The following PCDH11Y variants were observed in gnomAD, a reference collection of about 807,000 sequenced individuals.
The protein encoded by PCDH11Y is protocadherin-11 Y-linked.
For missense variants in PCDH11Y, 12 were observed against 224.8 expected, an observed-to-expected ratio of 0.05 and a Z score of 6.05; for synonymous variants, 9 against 83.6, an observed-to-expected ratio of 0.11 and a Z score of 4.87.
At chrY:5,562,376 A>G in intron 3 of PCDH11Y, among the ~76,000 whole-genome samples, 1 of 34,028 alleles carries the variant, frequency 2.9e-5, no homozygotes, top group Non-Finnish European at 7.3e-5. Context: ...TAGTCAACTG[A>G]ATAGAATCAG....
At chrY:5,404,497 T>A in intron 2 of PCDH11Y, among the ~76,000 whole-genome samples, 1 of 33,445 alleles carries the variant, frequency 3.0e-5, no homozygotes. Flanking sequence ...AGACATAAAA[T>A]TTGCTAATTT....
intron 2 of PCDH11Y, among the ~76,000 whole-genome samples, chrY:5,391,839 G>A: frequency 3.0e-5 from 1 of 32,926 alleles, no homozygotes; most frequent in African/African-American, 1.2e-4. Flanking sequence ...TATCACGTTG[G>A]CAACTCTCCT....
At chrY:5,216,636 A>G (rs2052946953) in intron 2 of PCDH11Y, among the ~76,000 whole-genome samples, 2 of 30,329 alleles carry the variant, frequency 6.6e-5, no homozygotes, top group African/African-American at 2.6e-4. Flanking sequence ...ATTTTAATCA[A>G]TTTTTATGAG....
At chrY:5,621,369 C>T (rs2053499879) in intron 4 of PCDH11Y, among the ~76,000 whole-genome samples, 1 of 32,299 alleles carries the variant, frequency 3.1e-5, no homozygotes, top group Admixed American at 2.9e-4. Context: ...AGGACAACTA[C>T]AAACCACCGC....
intron 2 of PCDH11Y, among the ~76,000 whole-genome samples, chrY:5,399,747 G>A (rs2053231086): frequency 6.3e-5 from 2 of 31,542 alleles, no homozygotes; most frequent in Admixed American, 3.0e-4. Context: ...TGATCCGCCC[G>A]CTTCGGCCTC....
At chrY:5,675,839 G>C (rs2053553374) in intron 4 of PCDH11Y, among the ~76,000 whole-genome samples, 1 of 33,269 alleles carries the variant, frequency 3.0e-5, no homozygotes, top group South Asian at 6.8e-4. Context: ...CCCTGCTCTG[G>C]GCTGCTTTCA....
chrY:5,446,105 TTGCTCAATGTAC>T (rs2053287565), intron 2 of PCDH11Y, among the ~76,000 whole-genome samples: 2 of 33,459 alleles, frequency 6.0e-5, no homozygotes, highest in African/African-American at 2.3e-4. Context: ...CTTCTCCTTG[TTGCTCAATGTAC>T]TGTTCCATGA....
intron 4 of PCDH11Y, among the ~76,000 whole-genome samples, chrY:5,663,130 A>G (rs2053542324): frequency 4.9e-4 from 15 of 30,686 alleles, no homozygotes; most frequent in African/African-American, 6.5e-4. Flanking sequence ...ACACGCTAAT[A>G]TAACAATTTA....
At chrY:5,675,557 G>A (rs2053553089) in intron 4 of PCDH11Y, among the ~76,000 whole-genome samples, 1 of 33,646 alleles carries the variant, frequency 3.0e-5, no homozygotes, top group African/African-American at 1.2e-4. Context: ...CTGCCTGTGA[G>A]CCTGTAAAAT....
chrY:5,587,745 C>T, intron 4 of PCDH11Y, among the ~76,000 whole-genome samples: 1 of 32,087 alleles, frequency 3.1e-5, no homozygotes, highest in African/African-American at 1.2e-4. Flanking sequence ...AGTCTAGCTA[C>T]TACCACTCTT....
chrY:5,598,533 A>C (rs2053469728), intron 4 of PCDH11Y, among the ~76,000 whole-genome samples: 2 of 33,243 alleles, frequency 6.0e-5, no homozygotes, highest in African/African-American at 1.2e-4. Context: ...TGCTCATCAC[A>C]ATTAGAAGCT....
chrY:5,703,770 A>G, intron 4 of PCDH11Y, among the ~76,000 whole-genome samples: 2 of 31,715 alleles, frequency 6.3e-5, no homozygotes, highest in African/African-American at 2.5e-4. Flanking sequence ...ACAATTCTAC[A>G]TAAGTTGTTT....
chrY:5,107,841 C>T (rs1602868430), downstream of PCDH11Y, among the ~76,000 whole-genome samples: 10 of 32,727 alleles, frequency 3.1e-4, no homozygotes, highest in African/African-American at 7.1e-4. Context: ...GGGTGGATCA[C>T]GAGGTCAGGA....
chrY:5,183,088 C>T, intron 2 of PCDH11Y, among the ~76,000 whole-genome samples: 1 of 33,399 alleles, frequency 3.0e-5, no homozygotes, highest in Admixed American at 2.7e-4. Flanking sequence ...GCTGAGACTC[C>T]ACACAGCTCT....
At chrY:5,443,540 G>T in intron 2 of PCDH11Y, among the ~76,000 whole-genome samples, 1 of 32,952 alleles carries the variant, frequency 3.0e-5, no homozygotes, top group Non-Finnish European at 7.5e-5. Context: ...CCACTATGGA[G>T]ATCAATTAGA....
downstream of PCDH11Y, among the ~76,000 whole-genome samples, chrY:5,102,238 G>A: frequency 9.3e-5 from 3 of 32,375 alleles, no homozygotes; most frequent in Admixed American, 2.9e-4. Flanking sequence ...AAGAGATGTC[G>A]AACATCTCCA....
chrY:5,511,054 G>A, intron 3 of PCDH11Y, among the ~76,000 whole-genome samples: 1 of 31,973 alleles, frequency 3.1e-5, no homozygotes, highest in East Asian at 8.4e-4. Flanking sequence ...TGCACCAAAG[G>A]CATTCTCAGT....
chrY:5,418,378 C>T, intron 2 of PCDH11Y, among the ~76,000 whole-genome samples: 1 of 28,827 alleles, frequency 3.5e-5, no homozygotes, highest in Non-Finnish European at 8.4e-5. Flanking sequence ...GGTTATGTCT[C>T]CCAAGGGTCA....
chrY:5,407,901 G>A (rs367821968), intron 2 of PCDH11Y, among the ~76,000 whole-genome samples: 17 of 15,551 alleles, frequency 1.1e-3, no homozygotes, highest in Middle Eastern at 0.048. Context: ...GCGACAGAGC[G>A]AGACTCCGTC....
Sources: allele counts gnomAD v4.1 joint callset (sites outside exome capture counted in the v4.1 genomes callset), GRCh38; gene constraint gnomAD v4.1.1; transcripts MANE v1.5; gene names NCBI Gene and HGNC (gene_info 2026-07-23, HGNC 2026-07-21).